RNF111: variants seen among roughly 807,000 people sequenced by gnomAD.
The protein encoded by RNF111 is ring finger protein 111, also known as E3 ubiquitin-protein ligase Arkadia.
A neutral mutation model predicts 95.1 loss-of-function variants in RNF111; 17 were observed. The observed-to-expected ratio is 0.18, with a 90% CI of 0.12 to 0.27. The LOEUF is 0.27. RNF111 is among the 10% of genes least tolerant of loss of function. The probability of loss-of-function intolerance (pLI) is 1.00; values close to 1 mark genes in which losing one functional copy is unlikely to be tolerated. For missense variants in RNF111, 1,189 were observed against 1,210.4 expected (o/e 0.98, Z 0.26); for synonymous variants, 440 against 414.8 (o/e 1.06, Z -0.74).
In RNF111 at chr15:59,094,763, T is replaced by C; in HGVS notation, c.2844-20T>C. The C allele has an allele frequency of 7.1e-7, 1 of 1,415,580 alleles. No homozygotes were observed. Among genetic ancestry groups the C allele is most frequent in the Non-Finnish European group, 1.0e-6 (1 of 999,140 alleles). 87.7% of individuals were successfully genotyped at this position (1,415,580 alleles called of 1,614,324 possible). A position where few individuals can be genotyped will look rare whatever the true frequency, so the allele number is the denominator to read the frequency against. The stretch of plus-strand genomic sequence containing the variant: ...TATCATAAAATTAATTTTTGCTTTT[T>C]GTTTTCTTGCCAATAATAGACGTCT... On this transcript the variant is annotated intron_variant, in intron 13 of 13. Coordinates refer to ENST00000348370, the MANE Select transcript of RNF111 (RefSeq NM_017610.8).
intron 1 of RNF111, among the ~76,000 whole-genome samples, chr15:59,012,239 G>T (rs568009125): frequency 6.6e-6 from 1 of 151,946 alleles, no homozygotes; most frequent in African/African-American, 2.4e-5. Flanking sequence ...GGCTGGTCTC[G>T]AACTTCTGAC....
Position 59,092,562 on chromosome 15 carries a change from G to A in RNF111, c.2765G>A (p.Gly922Glu), listed in dbSNP as rs2079082624. The A allele has an allele frequency of 1.9e-6, 3 of 1,612,634 alleles. No individual in the cohort carries two copies. Among genetic ancestry groups the A allele is most frequent in the African/African-American group, 1.3e-5 (1 of 74,856 alleles). The change falls in exon 13 of 14, where the codon GGG becomes GAG. Residue 922 changes from glycine (G) to glutamate (E), a missense_variant. Gly to Glu is a moderately conservative substitution (Grantham distance 98). This residue lies in a region of RNF111 where 165 missense variants were observed against 284.6 expected (regional missense o/e 0.58). Transcript: ENST00000348370. ...AGGAAACTGCACTGCAAACAAGATG[G>A]GGAAGAAGGGACTGAGGAAGACACA... ...KKRKLHCKQD[G>E]EEGTEEDTEE...
At chr15:58,992,475 A>G (rs1479427741) in intron 1 of RNF111, among the ~76,000 whole-genome samples, 16 of 152,310 alleles carry the variant, frequency 1.1e-4, no homozygotes, top group African/African-American at 3.8e-4. Flanking sequence ...GGGTATTAAT[A>G]ATATTGTTCT....
At chr15:59,000,543 C>G (rs1391761610) in intron 1 of RNF111, among the ~76,000 whole-genome samples, 1 of 151,914 alleles carries the variant, frequency 6.6e-6, no homozygotes, top group Non-Finnish European at 1.5e-5. Flanking sequence ...GAAACCCTGT[C>G]TCTACGAAAA....
chr15:59,047,859 G>A (rs1232631795), intron 2 of RNF111, among the ~76,000 whole-genome samples: 1 of 152,216 alleles, frequency 6.6e-6, no homozygotes, highest in Non-Finnish European at 1.5e-5. Flanking sequence ...ATAGGCGTGA[G>A]CCACTGTATC....
chr15:58,994,570 C>T (rs556319412), intron 1 of RNF111, among the ~76,000 whole-genome samples: 27 of 145,978 alleles, frequency 1.8e-4, no homozygotes, highest in Non-Finnish European at 3.9e-4. Flanking sequence ...CTCCATCTCC[C>T]AGGTTCAAGC....
intron 1 of RNF111, among the ~76,000 whole-genome samples, chr15:59,017,883 G>A (rs1471925828): frequency 6.7e-6 from 1 of 149,876 alleles, no homozygotes; most frequent in African/African-American, 2.5e-5. Flanking sequence ...TCAGCCTCCC[G>A]AGTAGCTGGG....
At chr15:59,026,061 C>A (rs1317928926) in intron 1 of RNF111, among the ~76,000 whole-genome samples, 3 of 150,784 alleles carry the variant, frequency 2.0e-5, no homozygotes, top group Non-Finnish European at 4.4e-5. Context: ...AATCTTATTT[C>A]TTTAGAGTCA....
Position 59,057,508 on chromosome 15 carries a change from C to T in RNF111, c.1172-848C>T, listed in dbSNP as rs77337694. 3.8e-3 allele frequency among the ~76,000 whole-genome samples: 579 copies of T among 152,248 alleles called. 5 individuals carry two copies. The highest frequency in any genetic ancestry group is 0.013 in the African/African-American group (550 of 41,548). On this transcript the variant is annotated intron_variant, in intron 4 of 13. Transcript: ENST00000348370. ...CCCCCTTCTTTTCAGATTTAATTGTCGTGACTATGCTTTGGATGGATTTAT... is the reference window on the plus strand; with the variant it reads ...CCCCCTTCTTTTCAGATTTAATTGTTGTGACTATGCTTTGGATGGATTTAT...
At chr15:59,061,630 T>G (rs2042442418) in intron 5 of RNF111, among the ~76,000 whole-genome samples, 1 of 152,246 alleles carries the variant, frequency 6.6e-6, no homozygotes, top group African/African-American at 2.4e-5. Context: ...TACTAATTCC[T>G]AGTCTCCTAA....
At chr15:59,035,313 A>G (rs2041122544) in intron 2 of RNF111, among the ~76,000 whole-genome samples, 1 of 152,034 alleles carries the variant, frequency 6.6e-6, no homozygotes, top group Non-Finnish European at 1.5e-5. Flanking sequence ...ATATTTCAAA[A>G]CCAATCATGC....
At chr15:58,992,028 A>G (rs990182127) in intron 1 of RNF111, among the ~76,000 whole-genome samples, 5 of 152,054 alleles carry the variant, frequency 3.3e-5, no homozygotes, top group Non-Finnish European at 7.4e-5. Context: ...GAAAACTTGC[A>G]AATGTCTGGT....
chr15:59,010,448 C>T (rs1254840744), intron 1 of RNF111, among the ~76,000 whole-genome samples: 1 of 152,034 alleles, frequency 6.6e-6, no homozygotes, highest in East Asian at 1.9e-4. Context: ...GTCGCCCAGG[C>T]TGGAGTGCAG....
intron 4 of RNF111, among the ~76,000 whole-genome samples, chr15:59,057,509 G>A (rs1026167274): frequency 2.6e-5 from 4 of 152,054 alleles, no homozygotes; most frequent in Non-Finnish European, 5.9e-5. Context: ...TTTAATTGTC[G>A]TGACTATGCT....
At chr15:59,039,346 A>G (rs1442132214) in intron 2 of RNF111, among the ~76,000 whole-genome samples, 2 of 152,130 alleles carry the variant, frequency 1.3e-5, no homozygotes, top group Non-Finnish European at 2.9e-5. Flanking sequence ...TCATCAGCTC[A>G]TTGGTTATTC....
At chr15:59,086,156 GT>G (rs1212021709) in intron 10 of RNF111, among the ~76,000 whole-genome samples, 1 of 151,942 alleles carries the variant, frequency 6.6e-6, no homozygotes, top group Non-Finnish European at 1.5e-5. Flanking sequence ...GTCTCACTCT[GT>G]CACCCAGGCT....
At chr15:59,062,752 G>A (rs1250670342) in intron 5 of RNF111, among the ~76,000 whole-genome samples, 16 of 152,114 alleles carry the variant, frequency 1.1e-4, no homozygotes, top group Non-Finnish European at 2.9e-5. Context: ...TATGATAGTG[G>A]AGCAAGAATT....
intron 1 of RNF111, among the ~76,000 whole-genome samples, chr15:59,018,823 C>CT (rs1281799497): frequency 3.9e-5 from 6 of 151,938 alleles, no homozygotes; most frequent in Admixed American, 2.0e-4. Context: ...TTATGTAATA[C>CT]TTTTTTTTAA....
chr15:59,053,114 G>T (rs1200593510), intron 3 of RNF111, among the ~76,000 whole-genome samples: 1 of 151,918 alleles, frequency 6.6e-6, no homozygotes, highest in Non-Finnish European at 1.5e-5. Flanking sequence ...ACTGTGTTAG[G>T]GCACCCTAAT....
Sources: allele counts gnomAD v4.1 joint callset (sites outside exome capture counted in the v4.1 genomes callset), GRCh38; gene constraint gnomAD v4.1.1; regional missense constraint gnomAD v4.1.1; transcripts MANE v1.5; gene names NCBI Gene and HGNC (gene_info 2026-07-23, HGNC 2026-07-21).